CSNK2A2IP: variants seen among roughly 807,000 people sequenced by gnomAD.
CSNK2A2IP encodes casein kinase II subunit alpha'-interacting protein.
At chr3:88,353,695 T>C in the CSNK2A2IP span, among the ~76,000 whole-genome samples, 3 of 152,198 alleles carry the variant, frequency 2.0e-5, no homozygotes, top group African/African-American at 7.2e-5. Flanking sequence ...AATGAAGTAT[T>C]TCAATTACAC....
At chr3:88,438,783 C>T in the CSNK2A2IP span, among the ~76,000 whole-genome samples, 1 of 152,166 alleles carries the variant, frequency 6.6e-6, no homozygotes, top group African/African-American at 2.4e-5. Context: ...TCACGTAAGA[C>T]TCTGATTAAA....
chr3:88,421,554 ACAGGTG>A, the CSNK2A2IP span, among the ~76,000 whole-genome samples: 1 of 152,028 alleles, frequency 6.6e-6, no homozygotes, highest in Admixed American at 6.6e-5. Flanking sequence ...AGTTGTTATT[ACAGGTG>A]CATGCCACCA....
chr3:88,463,934 A>C, the CSNK2A2IP span, among the ~76,000 whole-genome samples: 5 of 152,114 alleles, frequency 3.3e-5, no homozygotes, highest in Admixed American at 3.3e-4. Flanking sequence ...TGGATTAAGA[A>C]AATGTGGCAC....
the CSNK2A2IP span, among the ~76,000 whole-genome samples, chr3:88,452,261 T>C: frequency 1.3e-5 from 2 of 151,958 alleles, no homozygotes; most frequent in Non-Finnish European, 2.9e-5. Flanking sequence ...CTGTGGAAGG[T>C]TCCTATTTTA....
chr3:88,355,962 T>G, the CSNK2A2IP span, among the ~76,000 whole-genome samples: 2 of 152,160 alleles, frequency 1.3e-5, no homozygotes, highest in Non-Finnish European at 2.9e-5. Flanking sequence ...TTAATTTTTA[T>G]GGATATATTG....
the CSNK2A2IP span, among the ~76,000 whole-genome samples, chr3:88,383,885 G>T: frequency 2.6e-5 from 4 of 151,936 alleles, no homozygotes; most frequent in African/African-American, 9.7e-5. Context: ...GGATGGTCTC[G>T]ATCTCCTGAC....
At chr3:88,417,464 G>C in the CSNK2A2IP span, among the ~76,000 whole-genome samples, 1 of 152,204 alleles carries the variant, frequency 6.6e-6, no homozygotes, top group Non-Finnish European at 1.5e-5. Context: ...TAGTGGTTCA[G>C]TGTGTCTGGA....
the CSNK2A2IP span, among the ~76,000 whole-genome samples, chr3:88,397,391 CATT>C: frequency 6.6e-6 from 1 of 152,118 alleles, no homozygotes; most frequent in Non-Finnish European, 1.5e-5. Flanking sequence ...GCACTTGTAA[CATT>C]ATTCATCTTT....
chr3:88,414,348 C>T, the CSNK2A2IP span, among the ~76,000 whole-genome samples: 1 of 123,848 alleles, frequency 8.1e-6, no homozygotes, highest in Non-Finnish European at 1.6e-5. Context: ...AAAGCCTTGA[C>T]CTCTGCTCAC....
the CSNK2A2IP span, among the ~76,000 whole-genome samples, chr3:88,340,237 G>A: frequency 6.6e-6 from 1 of 151,844 alleles, no homozygotes; most frequent in Non-Finnish European, 1.5e-5. Flanking sequence ...TGCCTGCCAT[G>A]AGGTAGTATT....
the CSNK2A2IP span, among the ~76,000 whole-genome samples, chr3:88,346,967 A>G: frequency 6.6e-6 from 1 of 152,044 alleles, no homozygotes; most frequent in African/African-American, 2.4e-5. Flanking sequence ...TTCATGATTT[A>G]TGGAAAGAGG....
At chr3:88,404,737 C>A in the CSNK2A2IP span, among the ~76,000 whole-genome samples, 2 of 147,716 alleles carry the variant, frequency 1.4e-5, no homozygotes, top group Non-Finnish European at 3.0e-5. Flanking sequence ...TCTCTTCGAA[C>A]TTTTGTTCTA....
chr3:88,429,819 C>A, the CSNK2A2IP span, among the ~76,000 whole-genome samples: 1 of 152,182 alleles, frequency 6.6e-6, no homozygotes, highest in Non-Finnish European at 1.5e-5. Flanking sequence ...GTGCCCTGAT[C>A]TCAGCTCACT....
the CSNK2A2IP span, among the ~76,000 whole-genome samples, chr3:88,445,275 C>CAAAAAAAAAAAAAAAAAAAAAAAA: frequency 1.3e-4 from 6 of 47,770 alleles, 1 homozygote; most frequent in East Asian, 1.6e-3. Context: ...GTAAAAATAC[C>CAAAAAAAAAAAAAAAAAAAAAAAA]AAAAAAAAAA....
At chr3:88,421,455 T>C in the CSNK2A2IP span, among the ~76,000 whole-genome samples, 1 of 152,142 alleles carries the variant, frequency 6.6e-6, no homozygotes, top group Non-Finnish European at 1.5e-5. Context: ...CTCACTCTGT[T>C]GCCCAGGCTA....
chr3:88,404,584 T>C, the CSNK2A2IP span, among the ~76,000 whole-genome samples: 1 of 151,176 alleles, frequency 6.6e-6, no homozygotes, highest in South Asian at 2.1e-4. Flanking sequence ...CCTTTTCCTC[T>C]CCATTTACTC....
chr3:88,419,663 T>C, the CSNK2A2IP span, among the ~76,000 whole-genome samples: 76,985 of 151,896 alleles, frequency 0.51, 19,908 homozygotes, highest in East Asian at 0.76. Context: ...CTGTTTCAAG[T>C]TCTTTGAGAA....
chr3:88,398,911 C>T, the CSNK2A2IP span, among the ~76,000 whole-genome samples: 4 of 152,022 alleles, frequency 2.6e-5, no homozygotes, highest in African/African-American at 4.8e-5. Context: ...CAATAGATAT[C>T]TGAGGAAGAA....
chr3:88,374,994 G>A, the CSNK2A2IP span, among the ~76,000 whole-genome samples: 1 of 151,650 alleles, frequency 6.6e-6, no homozygotes. Context: ...TCATAGAGTA[G>A]CCTCCACAAC....
Sources: allele counts gnomAD v4.1 joint callset (sites outside exome capture counted in the v4.1 genomes callset), GRCh38; gene constraint gnomAD v4.1.1; transcripts MANE v1.5; gene names NCBI Gene and HGNC (gene_info 2026-07-23, HGNC 2026-07-21).